The following PYGO1 variants were observed in gnomAD, a reference collection of about 807,000 sequenced individuals.
The protein encoded by PYGO1 is pygopus homolog 1.
Under a neutral mutation model 29.5 loss-of-function variants are expected in PYGO1, and 6 were observed. The observed-to-expected ratio is 0.20, with a 90% CI of 0.11 to 0.40. The LOEUF (loss-of-function observed/expected upper bound fraction) is 0.40, where lower values mean the gene tolerates loss of function less well. Ranked by LOEUF, PYGO1 falls within the 10% of genes least tolerant of loss-of-function variation. PYGO1 has a pLI of 1.00. For missense variants in PYGO1, 515 were observed against 514.9 expected (o/e 1.00, Z 0.00); for synonymous variants, 186 against 180.5 (o/e 1.03, Z -0.24).
chr15:55,560,395 G>A (rs1482098426), intron 1 of PYGO1, among the ~76,000 whole-genome samples: 2 of 151,930 alleles, frequency 1.3e-5, no homozygotes, highest in South Asian at 2.1e-4. Flanking sequence ...CAACAACCAA[G>A]CAGAGAACAA....
intron 1 of PYGO1, among the ~76,000 whole-genome samples, chr15:55,557,522 C>T (rs1242710149): frequency 6.6e-6 from 1 of 152,186 alleles, no homozygotes; most frequent in African/African-American, 2.4e-5. Context: ...ATACCAAAGC[C>T]TGGCAGAGAC....
intron 1 of PYGO1, among the ~76,000 whole-genome samples, chr15:55,564,293 G>C (rs982204781): frequency 7.9e-5 from 12 of 152,158 alleles, no homozygotes; most frequent in African/African-American, 2.9e-4. Context: ...TGAAAATGTT[G>C]TAAGTAAAAG....
chr15:55,588,681 C>T, upstream of PYGO1: 3 of 1,081,408 alleles, frequency 2.8e-6, no homozygotes, highest in Non-Finnish European at 4.0e-6. Flanking sequence ...CGAGAACGCC[C>T]GACCCCGCGG....
chr15:55,553,503 C>T (rs1010665181), intron 1 of PYGO1, among the ~76,000 whole-genome samples: 1 of 152,076 alleles, frequency 6.6e-6, no homozygotes, highest in African/African-American at 2.4e-5. Context: ...TCAAGCGATC[C>T]TCCTGCCTCA....
chr15:55,548,830 T>C, intron 2 of PYGO1, 80 bp downstream of exon 2: 1 of 1,122,670 alleles, frequency 8.9e-7, no homozygotes. Flanking sequence ...AAACAAAACT[T>C]ATGACCAAGT....
At chr15:55,559,418 G>C (rs1468389636) in intron 1 of PYGO1, among the ~76,000 whole-genome samples, 1 of 152,100 alleles carries the variant, frequency 6.6e-6, no homozygotes, top group Non-Finnish European at 1.5e-5. Flanking sequence ...GGAAGACAGT[G>C]CGGCGATTCC....
chr15:55,587,711 G>A, intron 1 of PYGO1, 124 bp downstream of exon 1: 3 of 1,193,690 alleles, frequency 2.5e-6, no homozygotes, highest in Non-Finnish European at 3.1e-6. Context: ...CCGGGGTGCC[G>A]GCGGGACGCG....
Position 55,546,224 on chromosome 15 carries a change from A to G in PYGO1, c.1059T>C (p.Asp353=). 1 of 1,614,210 alleles carries G rather than the reference A, an allele frequency of 6.2e-7. No individual in the cohort carries two copies. The highest frequency in any genetic ancestry group is 1.1e-5 in the South Asian group (1 of 91,088). ...AGGCCTCACATAAGATGGCATCCTG[A>G]TCATCGTTCACCTCGTTTGTACAAA... ...CGICTNEVND[D]QDAILCEASC... The change falls in exon 3 of 3, where the codon GAT becomes GAC. Residue 353 remains aspartate, a synonymous_variant. Transcript: ENST00000563719.
intron 1 of PYGO1, among the ~76,000 whole-genome samples, chr15:55,561,754 C>G (rs1347101906): frequency 6.6e-6 from 1 of 152,128 alleles, no homozygotes; most frequent in Non-Finnish European, 1.5e-5. Context: ...GATAAAAACA[C>G]TAAAAGAATA....
At chr15:55,568,320 C>CTGTGTATG (rs1555425854) in intron 1 of PYGO1, among the ~76,000 whole-genome samples, 4 of 125,828 alleles carry the variant, frequency 3.2e-5, no homozygotes, top group African/African-American at 1.3e-4. Context: ...TTCCTAGGTA[C>CTGTGTATG]TGTGTGTGTG....
rs1285810083 is a variant in PYGO1 at position 55,539,258 on chromosome 15, A to C, written c.*6765T>G. On this transcript the variant is annotated 3_prime_UTR_variant, in exon 3 of 3. Transcript: ENST00000563719. ...ACGCAAATTGTGTTAAATATCTCAA[A>C]AAGAAAAAGGAGAATTGGCTTACCA... 1.3e-5 allele frequency: 2 copies of C among 152,214 alleles called. No individual in the cohort carries two copies. Among genetic ancestry groups the C allele is most frequent in the African/African-American group, 2.4e-5 (1 of 41,474 alleles). 9.4% of individuals were successfully genotyped at this position (152,214 alleles called of 1,614,324 possible).
At chr15:55,563,726 TGTA>T (rs1262215793) in intron 1 of PYGO1, among the ~76,000 whole-genome samples, 2 of 152,136 alleles carry the variant, frequency 1.3e-5, no homozygotes, top group East Asian at 3.9e-4. Context: ...GTACCCGACG[TGTA>T]GTCTTTTATC....
chr15:55,563,057 C>T (rs898968335), intron 1 of PYGO1, among the ~76,000 whole-genome samples: 6 of 151,666 alleles, frequency 4.0e-5, no homozygotes, highest in African/African-American at 1.5e-4. Context: ...AATGCCAAAG[C>T]ACAAGAAACA....
chr15:55,553,840 G>A (rs184114059), intron 1 of PYGO1, among the ~76,000 whole-genome samples: 8 of 152,134 alleles, frequency 5.3e-5, no homozygotes, highest in African/African-American at 1.9e-4. Context: ...CACCTTTGCT[G>A]TTACGCAGCC....
chr15:55,571,394 G>T (rs1595990804), intron 1 of PYGO1, among the ~76,000 whole-genome samples: 1 of 152,140 alleles, frequency 6.6e-6, no homozygotes, highest in Non-Finnish European at 1.5e-5. Flanking sequence ...GAAATTGTTG[G>T]AGAGTTTATC....
rs371928639 is a variant in PYGO1, at chr15:55,553,715, G to C, written c.50-4720C>G. Reference sequence around the variant, plus strand: ...TGTGAGCCAACGCGCCCAGCCTCTAGACAGTGGTGAAACCTCTGAACCGGG... The same window carrying C: ...TGTGAGCCAACGCGCCCAGCCTCTACACAGTGGTGAAACCTCTGAACCGGG... On this transcript the variant is annotated intron_variant, in intron 1 of 2. Coordinates refer to ENST00000563719, the MANE Select transcript of PYGO1 (RefSeq NM_001367806.1). 3.9e-5 allele frequency among the ~76,000 whole-genome samples: 6 copies of C among 152,022 alleles called. No homozygotes were observed. In the East Asian group the frequency reaches 5.8e-4, roughly 15 times the overall value.
At position 55,588,183 on chromosome 15, in the gene PYGO1, G is replaced by GCGC. The variant is rs542038034; in HGVS notation, c.-303_-301dup. The GCGC allele has an allele frequency of 7.4e-3, 2,530 of 342,974 alleles. 36 individuals are homozygous for GCGC. The highest frequency in any genetic ancestry group is 0.038 in the African/African-American group (1,682 of 44,354). The allele number at this position is 342,974 out of a possible 1,614,324, so 21.2% of individuals were successfully genotyped here. A position where few individuals can be genotyped will look rare whatever the true frequency, so the allele number is the denominator to read the frequency against. Reference sequence around the variant, plus strand: ...GGGCCGGCATGTGCTGAGGGCGAGTGCGCCGCCGCCGCCGCCGCCTCCTCC... The same window carrying GCGC: ...GGGCCGGCATGTGCTGAGGGCGAGTGCGCCGCCGCCGCCGCCGCCGCCTCCTCC... On this transcript the variant is annotated 5_prime_UTR_variant, in exon 1 of 3. Coordinates refer to ENST00000563719, the MANE Select transcript of PYGO1 (RefSeq NM_001367806.1).
chr15:55,560,065 C>T (rs377448994), intron 1 of PYGO1, among the ~76,000 whole-genome samples: 10 of 152,034 alleles, frequency 6.6e-5, no homozygotes, highest in African/African-American at 2.4e-4. Flanking sequence ...GACAAACCCA[C>T]AGCTGATTAT....
intron 1 of PYGO1, among the ~76,000 whole-genome samples, chr15:55,573,539 C>G (rs1460342725): frequency 6.6e-6 from 1 of 152,112 alleles, no homozygotes; most frequent in Non-Finnish European, 1.5e-5. Flanking sequence ...ATGTGCACTC[C>G]CATGTTTGTT....
Sources: allele counts gnomAD v4.1 joint callset (sites outside exome capture counted in the v4.1 genomes callset), GRCh38; gene constraint gnomAD v4.1.1; transcripts MANE v1.5; gene names NCBI Gene and HGNC (gene_info 2026-07-23, HGNC 2026-07-21).